Variants in RCSD1 observed in about 807,000 individuals in gnomAD.
RCSD1 encodes the protein capZ-interacting protein.
In RCSD1, 26 loss-of-function variants were observed where a neutral mutation model predicts 42.5. The observed-to-expected ratio is 0.61, with a 90% confidence interval of 0.45 to 0.85. RCSD1 has a LOEUF of 0.85. Among genes scored for constraint, RCSD1 ranks in the 40% least tolerant of loss-of-function variants. The probability of loss-of-function intolerance (pLI) is 0.00; values close to 1 mark genes in which losing one functional copy is unlikely to be tolerated. For missense variants in RCSD1, 571 were observed against 528.3 expected, an observed-to-expected ratio of 1.08 and a Z score of -0.79; for synonymous variants, 220 against 212.2, an observed-to-expected ratio of 1.04 and a Z score of -0.32.
At chr1:167,691,221 G>A (rs1046301353) in intron 4 of RCSD1, among the ~76,000 whole-genome samples, 13 of 152,176 alleles carry the variant, frequency 8.5e-5, no homozygotes, top group South Asian at 2.1e-4. Flanking sequence ...AATGAAAAAT[G>A]TCTCTAGACA....
intron 1 of RCSD1, among the ~76,000 whole-genome samples, chr1:167,652,843 C>T (rs1658345636): frequency 6.6e-6 from 1 of 152,158 alleles, no homozygotes; most frequent in Non-Finnish European, 1.5e-5. Flanking sequence ...TAATTTACTT[C>T]AACTAGTCTT....
At chr1:167,665,632 G>T (rs1658639217) in intron 1 of RCSD1, among the ~76,000 whole-genome samples, 1 of 152,154 alleles carries the variant, frequency 6.6e-6, no homozygotes, top group Non-Finnish European at 1.5e-5. Flanking sequence ...ATTTGGTATT[G>T]TCAGTTCATT....
chr1:167,665,086 A>T (rs1571688311), intron 1 of RCSD1: 2 of 151,008 alleles, frequency 1.3e-5, no homozygotes, highest in African/African-American at 4.9e-5. Flanking sequence ...CATTTCTATC[A>T]CCCCAAAAGA....
At chr1:167,699,020 G>A (rs1375438410) in intron 6 of RCSD1, among the ~76,000 whole-genome samples, 3 of 151,944 alleles carry the variant, frequency 2.0e-5, no homozygotes, top group Non-Finnish European at 4.4e-5. Flanking sequence ...GGATGATCTC[G>A]ATCTCCTGAC....
chr1:167,638,602 C>G (rs1295413130), intron 1 of RCSD1, among the ~76,000 whole-genome samples: 1 of 152,208 alleles, frequency 6.6e-6, no homozygotes, highest in Non-Finnish European at 1.5e-5. Flanking sequence ...TCCTCCAGCT[C>G]AGGCCAGGCT....
rs2101730998 is a variant in RCSD1 at position 167,708,050 on chromosome 1, T to C, written c.*3354T>C. Reference sequence around the variant, plus strand: ...GCAAACCCAGTGAAAGGGCTTATTCTTTCACCATTACTGTGGGGAAAAAGT... The same window carrying C: ...GCAAACCCAGTGAAAGGGCTTATTCCTTCACCATTACTGTGGGGAAAAAGT... On this transcript the variant is annotated 3_prime_UTR_variant, in exon 7 of 7. Transcript: ENST00000367854. Among the ~76,000 whole-genome samples, 1 of 152,300 alleles carries C rather than the reference T, an allele frequency of 6.6e-6. No homozygotes were observed.
intron 1 of RCSD1, among the ~76,000 whole-genome samples, chr1:167,636,897 G>T (rs1231506547): frequency 1.3e-5 from 2 of 152,156 alleles, no homozygotes; most frequent in Non-Finnish European, 2.9e-5. Flanking sequence ...TAGGTTTTTA[G>T]TTAGATTCAG....
intron 1 of RCSD1, among the ~76,000 whole-genome samples, chr1:167,636,187 A>G (rs1305513788): frequency 6.6e-6 from 1 of 152,214 alleles, no homozygotes. Context: ...ATTTATTTGA[A>G]TGGATCAAAT....
At chr1:167,631,437 C>T (rs892932038) in intron 1 of RCSD1, among the ~76,000 whole-genome samples, 4 of 152,236 alleles carry the variant, frequency 2.6e-5, no homozygotes, top group African/African-American at 7.2e-5. Flanking sequence ...ACAGTTAACT[C>T]CGCTATCTCT....
chr1:167,698,740 CACT>C (rs1659560785), intron 6 of RCSD1, among the ~76,000 whole-genome samples: 1 of 152,184 alleles, frequency 6.6e-6, no homozygotes, highest in African/African-American at 2.4e-5. Context: ...TTACTCACAC[CACT>C]ATCAGCTTCC....
At chr1:167,675,317 G>A (rs1413886779) in intron 1 of RCSD1, among the ~76,000 whole-genome samples, 1 of 151,862 alleles carries the variant, frequency 6.6e-6, no homozygotes, top group Non-Finnish European at 1.5e-5. Context: ...TCACAAGCAT[G>A]GCGGAAGGCA....
intron 6 of RCSD1, among the ~76,000 whole-genome samples, chr1:167,703,461 C>T (rs992957335): frequency 6.6e-6 from 1 of 152,176 alleles, no homozygotes; most frequent in Admixed American, 6.5e-5. Flanking sequence ...GGAGACCAGC[C>T]TGGGCAACAT....
At chr1:167,666,229 T>A (rs1196566049) in intron 1 of RCSD1, among the ~76,000 whole-genome samples, 4 of 152,218 alleles carry the variant, frequency 2.6e-5, no homozygotes, top group African/African-American at 2.4e-5. Flanking sequence ...GGGTTCCAGA[T>A]CTCCCATCAG....
chr1:167,647,893 GA>G (rs1290493499), intron 1 of RCSD1, among the ~76,000 whole-genome samples: 4 of 152,162 alleles, frequency 2.6e-5, no homozygotes, highest in African/African-American at 9.6e-5. Context: ...TTTAAGATTT[GA>G]AATTCATCAT....
chr1:167,688,727 T>C (rs1659301505), intron 3 of RCSD1, among the ~76,000 whole-genome samples: 1 of 152,184 alleles, frequency 6.6e-6, no homozygotes, highest in African/African-American at 2.4e-5. Context: ...CACAATCATC[T>C]CACATTATAA....
At chr1:167,677,805 G>T (rs917741500) in intron 1 of RCSD1, among the ~76,000 whole-genome samples, 1 of 152,200 alleles carries the variant, frequency 6.6e-6, no homozygotes, top group Admixed American at 6.5e-5. Context: ...AATTTACATT[G>T]TCAGGGTAAA....
At chr1:167,639,844 G>A (rs1657961865) in intron 1 of RCSD1, among the ~76,000 whole-genome samples, 3 of 152,190 alleles carry the variant, frequency 2.0e-5, no homozygotes, top group African/African-American at 7.2e-5. Context: ...GAGGCTAGGA[G>A]GGCCCAGCTA....
At chr1:167,676,129 G>A (rs141197187) in intron 1 of RCSD1, among the ~76,000 whole-genome samples, 143 of 152,194 alleles carry the variant, frequency 9.4e-4, no homozygotes, top group African/African-American at 2.9e-3. Flanking sequence ...TCATCATTCC[G>A]TTTTACAGAT....
chr1:167,645,878 G>T (rs1004958261), intron 1 of RCSD1, among the ~76,000 whole-genome samples: 2 of 152,168 alleles, frequency 1.3e-5, no homozygotes, highest in Non-Finnish European at 2.9e-5. Context: ...GCTTCCCTCA[G>T]TCTGTCATGA....
Sources: gnomAD v4.1 joint callset for allele counts (sites outside exome capture counted in the v4.1 genomes callset) on GRCh38, gnomAD v4.1.1 for gene constraint, MANE v1.5 for transcripts, NCBI Gene and HGNC (gene_info 2026-07-23, HGNC 2026-07-21) for gene names.